Variants in METRNL observed in about 807,000 individuals in gnomAD.
METRNL encodes meteorin-like protein.
Under a neutral mutation model 17.4 loss-of-function variants are expected in METRNL, and 9 were observed. That is an observed-to-expected ratio of 0.52 (90% CI 0.31 to 0.90). The LOEUF is 0.90. Ranked by LOEUF, METRNL falls within the 40% of genes least tolerant of loss-of-function variation. The pLI, the probability that METRNL is intolerant of heterozygous loss-of-function variation, is 0.05. For missense variants in METRNL, 408 were observed against 430.7 expected (o/e 0.95, Z 0.47); for synonymous variants, 215 against 199.3 (o/e 1.08, Z -0.66).
rs926895548 is a variant in METRNL, at chr17:83,079,996, G to A, written c.170+11G>A. 6.8e-5 allele frequency: 69 copies of A among 1,014,454 alleles called. No individual in the cohort carries two copies. The highest frequency in any genetic ancestry group is 1.2e-4 in the Admixed American group (2 of 16,960). The allele number at this position is 1,014,454 out of a possible 1,614,324, so 62.8% of individuals were successfully genotyped here. On this transcript the variant is annotated intron_variant, in intron 1 of 3. Transcript: ENST00000320095. ...CAGCTGGAAGGGGAGGTGAGTGTGC[G>A]CGGCGCGACCCCGGCCCGGCCCCCT... is the stretch of plus-strand genomic sequence containing the variant.
At chr17:83,090,231 CACACA>C (rs2038106341) in intron 2 of METRNL, among the ~76,000 whole-genome samples, 2 of 18,240 alleles carry the variant, frequency 1.1e-4, no homozygotes, top group East Asian at 6.1e-3. Context: ...GTGGGAGCCA[CACACA>C]CCCCCGCCCT....
chr17:83,086,265 T>A (rs1026165367), intron 2 of METRNL, among the ~76,000 whole-genome samples: 1 of 152,188 alleles, frequency 6.6e-6, no homozygotes, highest in African/African-American at 2.4e-5. Context: ...CTGAAATCTC[T>A]CCCAGGTAGA....
intron 1 of METRNL, among the ~76,000 whole-genome samples, chr17:83,080,461 G>GCGGGCACCTGTGAGC (rs2037969599): frequency 6.6e-6 from 1 of 150,460 alleles, no homozygotes; most frequent in South Asian, 2.1e-4. Flanking sequence ...GGAGCCGCGG[G>GCGGGCACCTGTGAGC]CGGGCACCTG....
At chr17:83,081,053 G>C (rs2037980376) in intron 1 of METRNL, among the ~76,000 whole-genome samples, 1 of 151,612 alleles carries the variant, frequency 6.6e-6, no homozygotes, top group Non-Finnish European at 1.5e-5. Flanking sequence ...GCCCCCGGCG[G>C]AGCCTCCCCG....
rs1308311206 is a variant in METRNL, at chr17:83,094,660, C to CCG, written c.*91_*92dup. ...TCCTGGTGGGGCCGTGCGGTGAGGG[C>CCG]CGCGCGCTGGGAGCCGCATGCCCTG... On this transcript the variant is annotated 3_prime_UTR_variant, in exon 4 of 4. Coordinates refer to ENST00000320095, the MANE Select transcript of METRNL (RefSeq NM_001004431.3). 8.4e-7 allele frequency: 1 copy of CCG among 1,183,798 alleles called. No homozygotes were observed. Among genetic ancestry groups the CCG allele is most frequent in the Non-Finnish European group, 1.1e-6 (1 of 912,500 alleles). The allele number at this position is 1,183,798 out of a possible 1,614,324, so 73.3% of individuals were successfully genotyped here. A position where few individuals can be genotyped will look rare whatever the true frequency, so the allele number is the denominator to read the frequency against.
intron 2 of METRNL, among the ~76,000 whole-genome samples, chr17:83,090,869 G>A (rs1360623983): frequency 6.6e-6 from 1 of 152,072 alleles, no homozygotes; most frequent in Non-Finnish European, 1.5e-5. Context: ...CGTGAGTGGT[G>A]GTCTGTGCTG....
At position 83,093,100 on chromosome 17, in the gene METRNL, G is replaced by A. The variant is rs189889808; in HGVS notation, c.557-67G>A. The A allele has an allele frequency of 6.3e-4, 855 of 1,359,292 alleles. 3 individuals are homozygous for A. In the African/African-American group the frequency reaches 0.01, roughly 16 times the overall value. 84.2% of individuals were successfully genotyped at this position (1,359,292 alleles called of 1,614,324 possible). ...TTGCTGAGTGTGAGGATCCTTTGAC[G>A]GTGGTGGGCGGCGTTCCAGAGCCTG... On this transcript the variant is annotated intron_variant, in intron 2 of 3. Transcript: ENST00000320095.
Position 83,094,497 on chromosome 17 carries a change from A to C in METRNL, c.858A>C (p.Pro286=), listed in dbSNP as rs1568341233. Residue 286 remains proline, a synonymous_variant, in exon 4 of 4, where the codon CCA becomes CCC. Coordinates refer to ENST00000320095, the MANE Select transcript of METRNL (RefSeq NM_001004431.3). ...GGGAGGCGCGGCTCGGCTGTGCCCCACGCTTCAAGGACTTCCAGAGGATGT... is the reference window on the plus strand; with the variant it reads ...GGGAGGCGCGGCTCGGCTGTGCCCCCCGCTTCAAGGACTTCCAGAGGATGT... ...HFGEARLGCA[P]RFKDFQRMYR... The C allele has an allele frequency of 3.2e-6, 5 of 1,568,918 alleles. No individual in the cohort carries two copies. The highest frequency in any genetic ancestry group is 1.7e-5 in the Admixed American group (1 of 57,426).
chr17:83,084,317 C>G (rs962013165), intron 1 of METRNL: 1 of 152,516 alleles, frequency 6.6e-6, no homozygotes, highest in South Asian at 2.1e-4. Context: ...CCTCCTTCCC[C>G]CCAAACTGCC....
At chr17:83,089,505 C>T (rs902251185) in intron 2 of METRNL, among the ~76,000 whole-genome samples, 21 of 152,108 alleles carry the variant, frequency 1.4e-4, no homozygotes, top group African/African-American at 1.9e-4. Context: ...TCTAAGTCCC[C>T]GCAGCAGCGT....
intron 3 of METRNL, 25 bp downstream of exon 3, chr17:83,093,251 A>T: frequency 1.3e-6 from 2 of 1,594,362 alleles, no homozygotes; most frequent in Non-Finnish European, 1.7e-6. Flanking sequence ...GGCAGCTTCT[A>T]CCTCCTGTGC....
chr17:83,080,153 T>G, intron 1 of METRNL, 168 bp downstream of exon 1: 1 of 220,306 alleles, frequency 4.5e-6, no homozygotes, highest in Non-Finnish European at 7.7e-6. Context: ...CCCCCGGTTC[T>G]AGAACAAAAG....
At chr17:83,092,006 G>A (rs376817620) in intron 2 of METRNL, among the ~76,000 whole-genome samples, 14 of 152,232 alleles carry the variant, frequency 9.2e-5, no homozygotes, top group South Asian at 2.1e-4. Context: ...AAACTGGGGC[G>A]AAGGGCAGGG....
At chr17:83,084,626 T>G in intron 1 of METRNL, 4 of 430,168 alleles carry the variant, frequency 9.3e-6, no homozygotes, top group Non-Finnish European at 8.3e-6. Context: ...CGCAGACTCT[T>G]GAGTGTTGGA....
intron 1 of METRNL, among the ~76,000 whole-genome samples, chr17:83,080,776 C>G (rs1412155668): frequency 6.6e-6 from 1 of 150,544 alleles, no homozygotes; most frequent in Non-Finnish European, 1.5e-5. Context: ...TTCGCAGATG[C>G]GCGGGGACCC....
chr17:83,093,438 G>C lies in METRNL; in HGVS notation c.616+212G>C, dbSNP rs544548104. On this transcript the variant is annotated intron_variant, in intron 3 of 3. Coordinates refer to ENST00000320095, the MANE Select transcript of METRNL (RefSeq NM_001004431.3). ...CACCGCCCACACTTGGAGGGAGCTG[G>C]GGGTTGTTTTGGTGACTGTCAAACA... Among the ~76,000 whole-genome samples, 8 of 152,316 alleles carry C rather than the reference G, an allele frequency of 5.3e-5. No homozygotes were observed. In the South Asian group the frequency reaches 1.7e-3, roughly 32 times the overall value.
At chr17:83,080,258 C>G (rs1015879675) in intron 1 of METRNL, 2 of 152,212 alleles carry the variant, frequency 1.3e-5, no homozygotes, top group African/African-American at 4.8e-5. Context: ...CGTGTCCGAG[C>G]CTCGGGGGCC....
rs773617072 is a variant in METRNL, at chr17:83,094,576, C to T, written c.*1C>T. ...CCCTTGTGAGGTTGGCACGGACTGACTCCGTGGGCCGCTGCCCTTCCTCTC... is the reference window on the plus strand; with the variant it reads ...CCCTTGTGAGGTTGGCACGGACTGATTCCGTGGGCCGCTGCCCTTCCTCTC... On this transcript the variant is annotated 3_prime_UTR_variant, in exon 4 of 4. Transcript: ENST00000320095. The T allele has an allele frequency of 6.9e-7, 1 of 1,448,686 alleles. No homozygotes were observed. The allele number at this position is 1,448,686 out of a possible 1,614,324, so 89.7% of individuals were successfully genotyped here. A position where few individuals can be genotyped will look rare whatever the true frequency, so the allele number is the denominator to read the frequency against.
chr17:83,086,569 C>A (rs992383932), intron 2 of METRNL, among the ~76,000 whole-genome samples: 3 of 152,280 alleles, frequency 2.0e-5, no homozygotes, highest in Middle Eastern at 6.8e-3. Flanking sequence ...CTGGAGAAAT[C>A]CAAGCTCCAA....
Sources: gnomAD v4.1 joint callset for allele counts (sites outside exome capture counted in the v4.1 genomes callset) on GRCh38, gnomAD v4.1.1 for gene constraint, MANE v1.5 for transcripts, NCBI Gene and HGNC (gene_info 2026-07-23, HGNC 2026-07-21) for gene names.